SCN4A: variants seen among roughly 807,000 people sequenced by gnomAD.
SCN4A encodes the protein sodium channel protein type 4 subunit alpha.
Under a neutral mutation model 162.0 loss-of-function variants are expected in SCN4A, and 83 were observed. That is an observed-to-expected ratio of 0.51 (90% CI 0.43 to 0.61). The LOEUF (loss-of-function observed/expected upper bound fraction) is 0.61. Among genes scored for constraint, SCN4A ranks in the 20% least tolerant of loss-of-function variants. The pLI is 0.00. For missense variants in SCN4A, 2,196 were observed against 2,462.5 expected (o/e 0.89, Z 2.29); for synonymous variants, 944 against 985.1 (o/e 0.96, Z 0.78).
At chr17:63,966,013 T>G in intron 8 of SCN4A, 89 bp downstream of exon 8, 1 of 988,852 alleles carries the variant, frequency 1.0e-6, no homozygotes, top group South Asian at 1.4e-5. Context: ...TTGGCCATCC[T>G]GTGGTAGGCC....
chr17:63,941,048 C>A lies in SCN4A; in HGVS notation c.5234G>T (p.Arg1745Leu), dbSNP rs376526108. The change falls in exon 24 of 24, where the codon CGC (arginine) becomes CTC (leucine). Residue 1745 changes from arginine to leucine, a missense_variant. Arg to Leu is a moderately radical substitution (Grantham distance 102). Coordinates refer to ENST00000435607, the MANE Select transcript of SCN4A (RefSeq NM_000334.4). The surrounding 1 kb of genome is among the most constrained non-coding windows in gnomAD (Gnocchi z 6.2). ...CATGTAGGATGCCTGCTTCATGGAG[C>A]GCTGTAGCAGGTGCCGGCGGTAGGC... ...QRAYRRHLLQ[R>L]SMKQASYMYR... 1.2e-6 allele frequency: 2 copies of A among 1,613,850 alleles called. No homozygotes were observed. Among genetic ancestry groups the A allele is most frequent in the Admixed American group, 1.7e-5 (1 of 60,002 alleles).
At position 63,944,681 on chromosome 17, in the gene SCN4A, T is replaced by G. The variant is rs1555601285; in HGVS notation, c.3904A>C (p.Lys1302Gln). The change falls in exon 21 of 24, where the codon AAG becomes CAG. Residue 1302 changes from lysine (K) to glutamine (Q), a missense_variant. Lys to Gln is a moderately conservative substitution (Grantham distance 53). Transcript: ENST00000435607. The surrounding 1 kb of genome is among the most constrained non-coding windows in gnomAD (Gnocchi z 4.3). The part of the protein sequence containing the change: ...GVIIDNFNQQ[K>Q]KKLGGKDIFM... ...GCTGGGCTGATACTCATCTTCTTCT[T>G]CTGCTGGTTGAAGTTGTCAATGATG... 7 of 1,604,972 alleles carry G rather than the reference T, an allele frequency of 4.4e-6. No homozygotes were observed. Among genetic ancestry groups the G allele is most frequent in the African/African-American group, 1.3e-5 (1 of 74,840 alleles).
intron 23 of SCN4A, 81 bp downstream of exon 23, chr17:63,942,745 G>A: frequency 7.2e-7 from 1 of 1,396,686 alleles, no homozygotes; most frequent in Non-Finnish European, 9.8e-7. Context: ...GGGTGCAGGG[G>A]CAGGTGTGTC....
chr17:63,968,298 A>G lies in SCN4A; in HGVS notation c.761T>C (p.Met254Thr), dbSNP rs1567828213. 2 of 1,611,592 alleles carry G rather than the reference A, an allele frequency of 1.2e-6. No individual in the cohort carries two copies. Among genetic ancestry groups the G allele is most frequent in the South Asian group, 2.2e-5 (2 of 91,056 alleles). ...IQSVKKLSDV[M>T]ILTVFCLSVF... ...GCTCAGGCAGAAGACAGTGAGGATC[A>G]TCACATCCGACAGCTTTTTCACCGA... Residue 254 changes from methionine (M) to threonine (T), a missense_variant, in exon 6 of 24, where the codon ATG becomes ACG. Coordinates refer to ENST00000435607, the MANE Select transcript of SCN4A (RefSeq NM_000334.4).
intron 12 of SCN4A, among the ~76,000 whole-genome samples, chr17:63,958,702 G>A (rs1049436176): frequency 5.3e-5 from 8 of 152,258 alleles, no homozygotes; most frequent in South Asian, 2.1e-4. Flanking sequence ...ACAGGCGTGC[G>A]CCACCAAGCC....
At position 63,957,144 on chromosome 17, in the gene SCN4A, C is replaced by A; in HGVS notation, c.2376+18G>T. 1 of 1,537,604 alleles carries A rather than the reference C, an allele frequency of 6.5e-7. No homozygotes were observed. Among genetic ancestry groups the A allele is most frequent in the Non-Finnish European group, 8.9e-7 (1 of 1,129,044 alleles). On this transcript the variant is annotated intron_variant, in intron 13 of 23. Transcript: ENST00000435607. ...CTTCCCGGGTGAGGGCAGGGGCCAC[C>A]CAGCCAGCCTCACTCACCACAAGAT...
At chr17:63,961,927 C>T (rs1909276789) in intron 10 of SCN4A, among the ~76,000 whole-genome samples, 3 of 150,726 alleles carry the variant, frequency 2.0e-5, no homozygotes. Flanking sequence ...TGTCCGTCCC[C>T]TCTAAACCCC....
At position 63,941,830 on chromosome 17, in the gene SCN4A, G is replaced by A. The variant is rs752609369; in HGVS notation, c.4452C>T (p.Asn1484=). The part of the protein sequence containing the change: ...ALMMSLPALF[N]IGLLLFLVMF... Reference sequence around the variant, plus strand: ...TGACCAGGAAGAGGAGGAGGCCGATGTTGAAGAGGGCAGGCAGCGACATCA... The same window carrying A: ...TGACCAGGAAGAGGAGGAGGCCGATATTGAAGAGGGCAGGCAGCGACATCA... The change falls in exon 24 of 24, where the codon AAC becomes AAT. Residue 1484 remains asparagine (N), a synonymous_variant. Coordinates refer to ENST00000435607, the MANE Select transcript of SCN4A (RefSeq NM_000334.4). The surrounding 1 kb of genome is among the most constrained non-coding windows in gnomAD (Gnocchi z 6.2). 2 of 1,614,246 alleles carry A rather than the reference G, an allele frequency of 1.2e-6. No homozygotes were observed. Among genetic ancestry groups the A allele is most frequent in the South Asian group, 1.1e-5 (1 of 91,092 alleles).
intron 23 of SCN4A, 39 bp downstream of exon 23, chr17:63,942,787 G>A (rs772240623): frequency 6.3e-7 from 1 of 1,592,432 alleles, no homozygotes; most frequent in Non-Finnish European, 8.6e-7. Flanking sequence ...GAGTGCCTCA[G>A]CTCAGTGCTG....
Position 63,941,819 on chromosome 17 carries a change from A to T in SCN4A, c.4463T>A (p.Leu1488His). The T allele has an allele frequency of 6.2e-7, 1 of 1,614,178 alleles. No homozygotes were observed. The highest frequency in any genetic ancestry group is 8.5e-7 in the Non-Finnish European group (1 of 1,180,022). ...GTAGATGAACATGACCAGGAAGAGG[A>T]GGAGGCCGATGTTGAAGAGGGCAGG... ...SLPALFNIGL[L>H]LFLVMFIYSI... The change falls in exon 24 of 24, where the codon CTC becomes CAC. Residue 1488 changes from leucine (L) to histidine (H), a missense_variant. Transcript: ENST00000435607. The surrounding 1 kb of genome is among the most constrained non-coding windows in gnomAD (Gnocchi z 6.2).
At chr17:63,971,592 G>A in intron 4 of SCN4A, 130 bp downstream of exon 4, 1 of 806,456 alleles carries the variant, frequency 1.2e-6, no homozygotes, top group Non-Finnish European at 2.0e-6. Context: ...TTCTAGAATT[G>A]TGCAGCTCCC....
rs1028794600 is a variant in SCN4A at position 63,971,960 on chromosome 17, G to T, written c.483-110C>A. 2.9e-5 allele frequency: 37 copies of T among 1,295,242 alleles called. 1 individual carries two copies. The highest frequency in any genetic ancestry group is 4.0e-4 in the Middle Eastern group (2 of 5,014). The allele number at this position is 1,295,242 out of a possible 1,614,324, so 80.2% of individuals were successfully genotyped here. On this transcript the variant is annotated intron_variant, in intron 3 of 23. Coordinates refer to ENST00000435607, the MANE Select transcript of SCN4A (RefSeq NM_000334.4). ...CACAGAAATGAAATATGCCACTCAG[G>T]TGGCTAAGGACACTAGCGAGTGATA...
At position 63,972,815 on chromosome 17, in the gene SCN4A, C is replaced by T; in HGVS notation, c.27G>A (p.Leu9=). 1 of 1,612,824 alleles carries T rather than the reference C, an allele frequency of 6.2e-7. No individual in the cohort carries two copies. Among genetic ancestry groups the T allele is most frequent in the East Asian group, 2.2e-5 (1 of 44,852 alleles). Residue 9 remains leucine (L), a synonymous_variant, in exon 1 of 24, where the codon CTG becomes CTA. Transcript: ENST00000435607. This position sits in a 1 kb window ranked among gnomAD's most constrained non-coding sequence, Gnocchi z 4.3. MARPSLCT[L]VPLGPECLRP... is the part of the protein sequence containing the mutation. ...GCAAGCACTCAGGGCCCAGAGGCAC[C>T]AGGGTGCACAGAGATGGTCTGGCCA...
rs551214620 is a variant in SCN4A at position 63,942,763 on chromosome 17, G to A, written c.4288+63C>T. On this transcript the variant is annotated intron_variant, in intron 23 of 23. Transcript: ENST00000435607. ...TGCAGGGGCAGGTGTGTCCGTGTGA[G>A]GATGGGTCTTCCCGAGTGCCTCAGC... 4 of 1,532,200 alleles carry A rather than the reference G, an allele frequency of 2.6e-6. No individual in the cohort carries two copies. In the East Asian group the frequency reaches 9.3e-5, roughly 35 times the overall value. The allele number at this position is 1,532,200 out of a possible 1,614,324, so 94.9% of individuals were successfully genotyped here.
At chr17:63,968,483 TC>T in intron 5 of SCN4A, 128 bp from the exon 6 acceptor site, 1 of 696,790 alleles carries the variant, frequency 1.4e-6, no homozygotes, top group Non-Finnish European at 2.4e-6. Context: ...CACCACTACT[TC>T]CCCGAAGCCT....
intron 5 of SCN4A, among the ~76,000 whole-genome samples, chr17:63,969,534 G>A (rs1254894598): frequency 6.6e-6 from 1 of 152,248 alleles, no homozygotes; most frequent in Non-Finnish European, 1.5e-5. Context: ...TGTACAGTGT[G>A]GAATTTGGGA....
chr17:63,946,345 C>G (rs1478974572), intron 18 of SCN4A, among the ~76,000 whole-genome samples: 1 of 152,018 alleles, frequency 6.6e-6, no homozygotes, highest in Non-Finnish European at 1.5e-5. Context: ...CTTGCAGGGA[C>G]AGGAAGGGGC....
Position 63,941,883 on chromosome 17 carries a change from C to T in SCN4A, c.4399G>A (p.Gly1467Ser). The change falls in exon 24 of 24, where the codon GGC (glycine) becomes AGC (serine). Residue 1467 changes from glycine (G) to serine (S), a missense_variant. Gly to Ser is a moderately conservative substitution (Grantham distance 56, BLOSUM62 0). Coordinates refer to ENST00000435607, the MANE Select transcript of SCN4A (RefSeq NM_000334.4). This position sits in a 1 kb window ranked among gnomAD's most constrained non-coding sequence, Gnocchi z 6.2. ...AGGGCGAACAGCAGCGTCCGGATGCCCTTGGCCCCGCGGATCAGCCGCAGG... is the reference window on the plus strand; with the variant it reads ...AGGGCGAACAGCAGCGTCCGGATGCTCTTGGCCCCGCGGATCAGCCGCAGG... ...RVLRLIRGAK[G>S]IRTLLFALMM... The T allele has an allele frequency of 6.2e-7, 1 of 1,613,594 alleles. No homozygotes were observed. The highest frequency in any genetic ancestry group is 8.5e-7 in the Non-Finnish European group (1 of 1,179,474).
chr17:63,957,087 A>C, intron 13 of SCN4A, 75 bp downstream of exon 13: 3 of 1,029,450 alleles, frequency 2.9e-6, no homozygotes, highest in South Asian at 3.2e-5. Context: ...GGGGAGATAG[A>C]AAACAGTCAA....
Sources: allele counts gnomAD v4.1 joint callset (sites outside exome capture counted in the v4.1 genomes callset), GRCh38; gene constraint gnomAD v4.1.1; non-coding constraint Gnocchi (gnomAD v3.1); transcripts MANE v1.5; gene names NCBI Gene and HGNC (gene_info 2026-07-23, HGNC 2026-07-21).